Variants in CTNNA3 observed in about 807,000 individuals in gnomAD.
The protein encoded by CTNNA3 is catenin alpha-3.
A neutral mutation model predicts 95.7 loss-of-function variants in CTNNA3; 76 were observed. The ratio of observed to expected loss-of-function variants is 0.79; its 90% CI spans 0.66 to 0.96. CTNNA3 has a LOEUF of 0.96. CTNNA3 is among the 40% of genes least tolerant of loss of function. The pLI, the probability that CTNNA3 is intolerant of heterozygous loss-of-function variation, is 0.00. For missense variants in CTNNA3, 1,191 were observed against 1,089.8 expected (o/e 1.09, Z -1.31); for synonymous variants, 431 against 374.4 (o/e 1.15, Z -1.74).
At chr10:66,761,260 G>A (rs1349001341) in intron 9 of CTNNA3, among the ~76,000 whole-genome samples, 1 of 152,010 alleles carries the variant, frequency 6.6e-6, no homozygotes, top group African/African-American at 2.4e-5. Context: ...CAGCTTTGTA[G>A]GTGGTAGGGA....
intron 13 of CTNNA3, among the ~76,000 whole-genome samples, chr10:66,129,029 C>T (rs1022833120): frequency 6.6e-6 from 1 of 152,070 alleles, no homozygotes; most frequent in Non-Finnish European, 1.5e-5. Context: ...CTTTGGGAGG[C>T]CGAGGAGGAC....
At chr10:66,033,058 T>C (rs1021110874) in intron 15 of CTNNA3, among the ~76,000 whole-genome samples, 2 of 152,148 alleles carry the variant, frequency 1.3e-5, no homozygotes, top group African/African-American at 4.8e-5. Flanking sequence ...GGTTATTCTG[T>C]AGGCCTAGTT....
At chr10:66,732,654 A>C (rs1422197139) in intron 9 of CTNNA3, among the ~76,000 whole-genome samples, 2 of 152,134 alleles carry the variant, frequency 1.3e-5, no homozygotes, top group Non-Finnish European at 2.9e-5. Context: ...CGAGAACAGG[A>C]GCATGGGGGT....
chr10:66,162,874 G>A (rs546935761), intron 13 of CTNNA3, among the ~76,000 whole-genome samples: 60 of 151,658 alleles, frequency 4.0e-4, no homozygotes, highest in African/African-American at 1.3e-3. Flanking sequence ...CTCCTTGGGC[G>A]GGTCTTGCTG....
rs1849070128 is a variant in CTNNA3, at chr10:66,734,605, T to A, written c.1281+31659A>T. On this transcript the variant is annotated intron_variant, in intron 9 of 17. Transcript: ENST00000433211. The stretch of plus-strand genomic sequence containing the variant: ...ACAGCCAGGCATGGTGGCTCACACC[T>A]GTAATCCCAGTGCTCTGGGAGGCCA... Among the ~76,000 whole-genome samples, 6 of 152,300 alleles carry A rather than the reference T, an allele frequency of 3.9e-5. No homozygotes were observed. The South Asian group carries it at 1.2e-3, about 32-fold the overall frequency.
At chr10:66,908,573 A>T (rs932196674) in intron 7 of CTNNA3, among the ~76,000 whole-genome samples, 1 of 152,062 alleles carries the variant, frequency 6.6e-6, no homozygotes, top group African/African-American at 2.4e-5. Flanking sequence ...TACTTAGGTT[A>T]AGTTTCCTAA....
chr10:67,304,462 T>A (rs1042321948), intron 5 of CTNNA3, among the ~76,000 whole-genome samples: 1 of 152,328 alleles, frequency 6.6e-6, no homozygotes, highest in South Asian at 2.1e-4. Context: ...TAAACTGAGC[T>A]TTGTTAGAAA....
intron 13 of CTNNA3, among the ~76,000 whole-genome samples, chr10:66,122,740 C>G (rs1023727966): frequency 4.6e-5 from 7 of 152,202 alleles, no homozygotes; most frequent in African/African-American, 1.7e-4. Flanking sequence ...GCCTCACAAT[C>G]ATAGCAGAAG....
intron 7 of CTNNA3, among the ~76,000 whole-genome samples, chr10:67,040,242 T>C (rs1476049688): frequency 6.6e-6 from 1 of 152,162 alleles, no homozygotes; most frequent in Admixed American, 6.5e-5. Flanking sequence ...TTGCTCGGTC[T>C]ACATGTGATC....
chr10:65,956,887 G>A (rs1483909664), intron 17 of CTNNA3, among the ~76,000 whole-genome samples: 1 of 152,204 alleles, frequency 6.6e-6, no homozygotes, highest in Non-Finnish European at 1.5e-5. Context: ...GGAGAGTTCT[G>A]TAGATGTCTA....
Position 67,098,063 on chromosome 10 carries a change from C to T in CTNNA3, c.1047+82254G>A. 3 of 436,054 alleles carry T rather than the reference C, an allele frequency of 6.9e-6. No individual in the cohort carries two copies. In the South Asian group the frequency reaches 7.6e-5, roughly 11 times the overall value. The allele number at this position is 436,054 out of a possible 1,614,324, so 27.0% of individuals were successfully genotyped here. A position where few individuals can be genotyped will look rare whatever the true frequency, so the allele number is the denominator to read the frequency against. On this transcript the variant is annotated intron_variant, in intron 7 of 17. Coordinates refer to ENST00000433211, the MANE Select transcript of CTNNA3 (RefSeq NM_013266.4). ...ATAAAAGAATCTTTTTTTTTCAAAA[C>T]TCATCCTACCTACCTGTAAAAACTG...
rs1477478094 is a variant in CTNNA3, at chr10:67,756,867, A to G, written c.-2+6567T>C. On this transcript the variant is annotated intron_variant, in intron 1 of 17. Coordinates refer to the CTNNA3 transcript ENST00000684154. The stretch of plus-strand genomic sequence containing the variant: ...TCAATATAACAAAAGTAGAAAAATT[A>G]TCATGTACACAGTTACAGCTATGTA... Among the ~76,000 whole-genome samples, 3 of 152,378 alleles carry G rather than the reference A, an allele frequency of 2.0e-5. No individual in the cohort carries two copies. In the East Asian group the frequency reaches 5.8e-4, roughly 29 times the overall value.
At chr10:67,095,696 A>T (rs1305692302) in intron 7 of CTNNA3, among the ~76,000 whole-genome samples, 1 of 151,834 alleles carries the variant, frequency 6.6e-6, no homozygotes, top group African/African-American at 2.4e-5. Flanking sequence ...ATGAGGCATA[A>T]GTTTCCATGA....
chr10:66,683,268 T>G (rs1847130573), intron 9 of CTNNA3, among the ~76,000 whole-genome samples: 1 of 152,150 alleles, frequency 6.6e-6, no homozygotes, highest in Admixed American at 6.6e-5. Flanking sequence ...TCTATAGTCT[T>G]TGGGAATAAA....
intron 13 of CTNNA3, among the ~76,000 whole-genome samples, chr10:66,269,879 C>T (rs1043313272): frequency 8.5e-5 from 13 of 152,122 alleles, no homozygotes; most frequent in Non-Finnish European, 1.3e-4. Context: ...AACAACCACA[C>T]GGATCCGACT....
intron 12 of CTNNA3, among the ~76,000 whole-genome samples, chr10:66,284,098 G>A (rs1252994105): frequency 2.0e-5 from 3 of 151,186 alleles, no homozygotes; most frequent in Non-Finnish European, 4.4e-5. Context: ...AAACAAAGGC[G>A]GCCTTTTGGT....
intron 2 of CTNNA3, among the ~76,000 whole-genome samples, chr10:67,629,009 T>TAAA (rs903782545): frequency 3.5e-5 from 5 of 144,008 alleles, no homozygotes; most frequent in African/African-American, 1.3e-4. Flanking sequence ...AGAACTCTAA[T>TAAA]AAAAAAAAAA....
chr10:66,236,815 G>C (rs1312958612), intron 13 of CTNNA3, among the ~76,000 whole-genome samples: 2 of 151,634 alleles, frequency 1.3e-5, no homozygotes, highest in Non-Finnish European at 1.5e-5. Context: ...GCATATAGTT[G>C]ATAAAAGCCT....
At chr10:67,078,419 G>A (rs1321864851) in intron 7 of CTNNA3, among the ~76,000 whole-genome samples, 2 of 152,192 alleles carry the variant, frequency 1.3e-5, no homozygotes, top group East Asian at 3.8e-4. Context: ...AAAAATATTT[G>A]AGAGAGGGAC....
Sources: allele counts gnomAD v4.1 joint callset (sites outside exome capture counted in the v4.1 genomes callset), GRCh38; gene constraint gnomAD v4.1.1; transcripts MANE v1.5; gene names NCBI Gene and HGNC (gene_info 2026-07-23, HGNC 2026-07-21).